The following PARD3B variants were observed in gnomAD, a reference collection of about 807,000 sequenced individuals.
PARD3B encodes the protein partitioning defective 3 homolog B.
PARD3B carries 103 observed loss-of-function variants against 130.2 expected under a neutral mutation model. The ratio of observed to expected loss-of-function variants is 0.79; its 90% CI spans 0.67 to 0.93. PARD3B has a LOEUF of 0.93. Ranked by LOEUF, PARD3B falls within the 40% of genes least tolerant of loss-of-function variation. The pLI is 0.00. For synonymous variants in PARD3B, 583 were observed against 553.2 expected (o/e 1.05, Z -0.76); for missense variants, 1,609 against 1,499.2 (o/e 1.07, Z -1.21).
At chr2:205,449,227 G>A (rs537008565) in intron 20 of PARD3B, among the ~76,000 whole-genome samples, 19 of 148,942 alleles carry the variant, frequency 1.3e-4, no homozygotes, top group South Asian at 8.5e-4. Flanking sequence ...CTTAGAGACC[G>A]CTTTTTTTTT....
At chr2:204,600,619 T>C (rs1284452831) in intron 1 of PARD3B, among the ~76,000 whole-genome samples, 2 of 149,194 alleles carry the variant, frequency 1.3e-5, no homozygotes, top group Non-Finnish European at 2.9e-5. Flanking sequence ...TTGTTCTTTT[T>C]GTCATAGGGA....
At chr2:205,014,240 A>G (rs2125315920) in intron 3 of PARD3B, among the ~76,000 whole-genome samples, 1 of 152,318 alleles carries the variant, frequency 6.6e-6, no homozygotes, top group East Asian at 1.9e-4. Flanking sequence ...AGTCAGTGAA[A>G]ACCAGAAATT....
chr2:205,515,383 T>C (rs1040725974), intron 21 of PARD3B, among the ~76,000 whole-genome samples: 1 of 152,224 alleles, frequency 6.6e-6, no homozygotes, highest in Non-Finnish European at 1.5e-5. Flanking sequence ...TTGTTTGAAA[T>C]GGTGGTTCTG....
At position 205,146,200 on chromosome 2, in the gene PARD3B, T is replaced by C. The variant is rs1426446748; in HGVS notation, c.1435-12522T>C. 6.6e-6 allele frequency among the ~76,000 whole-genome samples: 1 copy of C among 152,218 alleles called. No homozygotes were observed. The highest frequency in any genetic ancestry group is 1.5e-5 in the Non-Finnish European group (1 of 68,036). On this transcript the variant is annotated intron_variant, in intron 10 of 22. Transcript: ENST00000406610. This position sits in a 1 kb window ranked among gnomAD's most constrained non-coding sequence, Gnocchi z 4.3. ...ATTTATGTTTCATTCTTGTCCTTGA[T>C]GTTGTGCTATCTTTTAAAGATGTTA...
At chr2:205,077,699 A>G (rs11677135) in intron 4 of PARD3B, among the ~76,000 whole-genome samples, 9,762 of 150,906 alleles carry the variant, frequency 0.065, 346 homozygotes, top group Middle Eastern at 0.18. Context: ...GAGATGCCTG[A>G]GAGATAACAG....
At chr2:204,840,337 A>G (rs928044971) in intron 2 of PARD3B, among the ~76,000 whole-genome samples, 5 of 152,072 alleles carry the variant, frequency 3.3e-5, no homozygotes, top group African/African-American at 4.8e-5. Context: ...GAAAAATTCT[A>G]CTCCAAAGCT....
chr2:205,131,449 T>C (rs988029103), intron 10 of PARD3B, among the ~76,000 whole-genome samples: 1 of 152,160 alleles, frequency 6.6e-6, no homozygotes, highest in African/African-American at 2.4e-5. Flanking sequence ...TCAACCAGTA[T>C]GTACTGAATC....
intron 22 of PARD3B, among the ~76,000 whole-genome samples, chr2:205,602,783 T>C (rs2054839909): frequency 6.6e-6 from 1 of 152,128 alleles, no homozygotes; most frequent in Admixed American, 6.6e-5. Context: ...GCTAGTGGTC[T>C]ATTTTAATAA....
intron 18 of PARD3B, among the ~76,000 whole-genome samples, chr2:205,380,838 T>TTATA (rs531785501): frequency 0.23 from 21,726 of 92,802 alleles, 3,038 homozygotes; most frequent in African/African-American, 0.42. Flanking sequence ...AAAGAATACA[T>TTATA]TATAATATAA....
chr2:204,638,771 C>T (rs1385820886), intron 1 of PARD3B, among the ~76,000 whole-genome samples: 2 of 152,118 alleles, frequency 1.3e-5, no homozygotes, highest in Non-Finnish European at 2.9e-5. Context: ...CATAGGATAT[C>T]CTATAACCTG....
chr2:205,191,075 G>GAAAAAAAAAAA (rs5837960), intron 14 of PARD3B, among the ~76,000 whole-genome samples: 12 of 97,722 alleles, frequency 1.2e-4, no homozygotes, highest in East Asian at 2.4e-4. Flanking sequence ...GAAAGAAATA[G>GAAAAAAAAAAA]AAAAAAAAAA....
Position 205,238,886 on chromosome 2 carries a change from G to GTATATA in PARD3B, c.2141-6874_2141-6869dup, listed in dbSNP as rs372313084. Among the ~76,000 whole-genome samples, 875 of 92,060 alleles carry GTATATA rather than the reference G, an allele frequency of 9.5e-3. 22 individuals carry two copies. Among genetic ancestry groups the GTATATA allele is most frequent in the Non-Finnish European group, 0.011 (578 of 50,874 alleles). The allele number at this position is 92,060 out of a possible 152,430, so 60.4% of individuals were successfully genotyped here. ...TATATATATATATATATGTATGTGT[G>GTATATA]TATATATATATATATATATATATGT... is the stretch of plus-strand genomic sequence containing the variant. On this transcript the variant is annotated intron_variant, in intron 15 of 22. Coordinates refer to ENST00000406610, the MANE Select transcript of PARD3B (RefSeq NM_001302769.2).
rs2033079860 is a variant in PARD3B, at chr2:205,142,881, A to AAGATAAATAAAT, written c.1435-15840_1435-15839insGATAAATAAATA. On this transcript the variant is annotated intron_variant, in intron 10 of 22. Transcript: ENST00000406610. This position sits in a 1 kb window ranked among gnomAD's most constrained non-coding sequence, Gnocchi z 4.3. ...TGACAGGATGAGACTTCGGTCTCAA[A>AAGATAAATAAAT]AAATAAATAAATAAATAAATAAATA... 6.8e-6 allele frequency among the ~76,000 whole-genome samples: 1 copy of AAGATAAATAAAT among 146,638 alleles called. No homozygotes were observed. The highest frequency in any genetic ancestry group is 2.5e-5 in the African/African-American group (1 of 39,698).
intron 15 of PARD3B, among the ~76,000 whole-genome samples, chr2:205,204,889 C>A (rs1003023232): frequency 9.9e-5 from 15 of 151,946 alleles, no homozygotes; most frequent in African/African-American, 3.6e-4. Flanking sequence ...GCATGATGCC[C>A]CCAGCTTTGT....
At position 204,963,020 on chromosome 2, in the gene PARD3B, G is replaced by A. The variant is rs78822727; in HGVS notation, c.223-2132G>A. ...TTCTTTAGGGTATAACACGCTAATG[G>A]ACAAATTACAGACAGTAGACAGTCT... On this transcript the variant is annotated intron_variant, in intron 2 of 22. Coordinates refer to ENST00000406610, the MANE Select transcript of PARD3B (RefSeq NM_001302769.2). Among the ~76,000 whole-genome samples, 21 of 152,246 alleles carry A rather than the reference G, an allele frequency of 1.4e-4. No individual in the cohort carries two copies. In the East Asian group the frequency reaches 4.1e-3, roughly 29 times the overall value.
At position 204,709,927 on chromosome 2, in the gene PARD3B, A is replaced by T. The variant is rs1238849539; in HGVS notation, c.222+23645A>T. ...GTGAAATAATGGTTAGTGCATTTTT[A>T]AAAGTTTTGTCTATTTTTCACAGGC... On this transcript the variant is annotated intron_variant, in intron 2 of 22. Transcript: ENST00000406610. 3.3e-5 allele frequency among the ~76,000 whole-genome samples: 5 copies of T among 152,364 alleles called. 1 individual carries two copies. The highest frequency in any genetic ancestry group is 3.4e-3 in the Middle Eastern group (1 of 294).
At chr2:204,551,789 T>G (rs1202408796) in intron 1 of PARD3B, among the ~76,000 whole-genome samples, 1 of 152,176 alleles carries the variant, frequency 6.6e-6, no homozygotes, top group African/African-American at 2.4e-5. Context: ...TTTGAAGAAG[T>G]TGGGCAAATG....
chr2:204,780,962 T>C (rs764611170), intron 2 of PARD3B, among the ~76,000 whole-genome samples: 1 of 152,094 alleles, frequency 6.6e-6, no homozygotes, highest in Non-Finnish European at 1.5e-5. Flanking sequence ...ACCATCAATA[T>C]GGAAAATGGA....
chr2:205,476,670 C>T (rs888068646), intron 20 of PARD3B, among the ~76,000 whole-genome samples: 1 of 152,058 alleles, frequency 6.6e-6, no homozygotes, highest in African/African-American at 2.4e-5. Flanking sequence ...ATGAATTTTG[C>T]ATTACCCTCT....
Sources: allele counts gnomAD v4.1 joint callset (sites outside exome capture counted in the v4.1 genomes callset), GRCh38; gene constraint gnomAD v4.1.1; non-coding constraint Gnocchi (gnomAD v3.1); transcripts MANE v1.5; gene names NCBI Gene and HGNC (gene_info 2026-07-23, HGNC 2026-07-21).